Variants in PLEKHF2 observed in about 807,000 individuals in gnomAD.
PLEKHF2 encodes pleckstrin homology domain-containing family F member 2.
Under a neutral mutation model 14.7 loss-of-function variants are expected in PLEKHF2, and 4 were observed. The ratio of observed to expected loss-of-function variants is 0.27; its 90% confidence interval spans 0.13 to 0.62. The LOEUF (loss-of-function observed/expected upper bound fraction) is 0.62. PLEKHF2 is among the 20% of genes least tolerant of loss of function. The pLI is 0.85. For synonymous variants in PLEKHF2, 90 were observed against 103.5 expected, an observed-to-expected ratio of 0.87 and a Z score of 0.79; for missense variants, 201 against 307.7, an observed-to-expected ratio of 0.65 and a Z score of 2.60.
At chr8:95,140,808 G>C (rs1810431403) in intron 1 of PLEKHF2, among the ~76,000 whole-genome samples, 1 of 151,880 alleles carries the variant, frequency 6.6e-6, no homozygotes, top group South Asian at 2.1e-4. Context: ...GTTTTGTTTT[G>C]GTTTGTTTTA....
At chr8:95,143,902 A>T (rs557206750) in intron 1 of PLEKHF2, among the ~76,000 whole-genome samples, 2 of 152,314 alleles carry the variant, frequency 1.3e-5, no homozygotes, top group East Asian at 3.9e-4. Context: ...GTGTAGGATG[A>T]TTTGAATCAA....
At chr8:95,137,872 G>T (rs1418641655) in intron 1 of PLEKHF2, among the ~76,000 whole-genome samples, 1 of 152,214 alleles carries the variant, frequency 6.6e-6, no homozygotes, top group East Asian at 1.9e-4. Flanking sequence ...TGGCCAGATG[G>T]CGATGCAAGG....
In PLEKHF2 at chr8:95,154,918, C is replaced by T; in HGVS notation, c.*124C>T. ...ATGAATTTGCCTGAGAAACTTGTAA[C>T]CTATGTGCCTCAATATATTCCATAG... On this transcript the variant is annotated 3_prime_UTR_variant, in exon 2 of 2. Coordinates refer to ENST00000315367, the MANE Select transcript of PLEKHF2 (RefSeq NM_024613.4). This position sits in a 1 kb window ranked among gnomAD's most constrained non-coding sequence, Gnocchi z 5.6. 2 of 1,175,122 alleles carry T rather than the reference C, an allele frequency of 1.7e-6. No individual in the cohort carries two copies. The highest frequency in any genetic ancestry group is 2.5e-5 in the East Asian group (1 of 40,652). The allele number at this position is 1,175,122 out of a possible 1,614,324, so 72.8% of individuals were successfully genotyped here. A position where few individuals can be genotyped will look rare whatever the true frequency, so the allele number is the denominator to read the frequency against.
intron 1 of PLEKHF2, among the ~76,000 whole-genome samples, chr8:95,145,688 T>A (rs1380662484): frequency 3.3e-5 from 5 of 152,194 alleles, no homozygotes; most frequent in Admixed American, 6.5e-5. Flanking sequence ...CCTCCCAAAG[T>A]GCTGGGATTA....
intron 1 of PLEKHF2, among the ~76,000 whole-genome samples, chr8:95,148,786 A>G (rs1237781989): frequency 6.6e-6 from 1 of 152,154 alleles, no homozygotes. Flanking sequence ...TTGAAAAGCA[A>G]AAAAGTATTT....
chr8:95,144,067 A>T (rs115377425), intron 1 of PLEKHF2, among the ~76,000 whole-genome samples: 1 of 151,622 alleles, frequency 6.6e-6, no homozygotes, highest in Non-Finnish European at 1.5e-5. Flanking sequence ...CTCATTAGCT[A>T]TCATTAATGT....
chr8:95,141,296 C>T (rs2132106029), intron 1 of PLEKHF2, among the ~76,000 whole-genome samples: 1 of 152,180 alleles, frequency 6.6e-6, no homozygotes, highest in South Asian at 2.1e-4. Context: ...ATCAACTTTC[C>T]CCTCTATTTT....
At chr8:95,153,798 C>T (rs946148713) in intron 1 of PLEKHF2, among the ~76,000 whole-genome samples, 1 of 152,028 alleles carries the variant, frequency 6.6e-6, no homozygotes, top group African/African-American at 2.4e-5. Context: ...TTACAAATAC[C>T]TGCTTAACTA....
intron 1 of PLEKHF2, among the ~76,000 whole-genome samples, chr8:95,153,665 C>T (rs1331709223): frequency 6.6e-6 from 1 of 152,084 alleles, no homozygotes; most frequent in Non-Finnish European, 1.5e-5. Context: ...ATTTTGTTCC[C>T]TATTGTTCAG....
intron 1 of PLEKHF2, among the ~76,000 whole-genome samples, chr8:95,137,920 A>G (rs1810393589): frequency 1.3e-5 from 2 of 152,194 alleles, no homozygotes; most frequent in South Asian, 4.1e-4. Context: ...ATAACTGGTT[A>G]AGCAGCTTTT....
At chr8:95,148,283 C>T (rs10101612) in intron 1 of PLEKHF2, among the ~76,000 whole-genome samples, 1 of 151,770 alleles carries the variant, frequency 6.6e-6, no homozygotes, top group Non-Finnish European at 1.5e-5. Flanking sequence ...AAAGTATTTT[C>T]GACCCAGATA....
intron 1 of PLEKHF2, among the ~76,000 whole-genome samples, chr8:95,144,948 G>A (rs1810480343): frequency 6.6e-6 from 1 of 150,786 alleles, no homozygotes; most frequent in African/African-American, 2.4e-5. Flanking sequence ...TCATGACTCA[G>A]TTTTTTTGTA....
intron 1 of PLEKHF2, among the ~76,000 whole-genome samples, chr8:95,146,157 A>G (rs1810498116): frequency 6.6e-6 from 1 of 152,156 alleles, no homozygotes; most frequent in African/African-American, 2.4e-5. Context: ...ATTTACTATC[A>G]AAGACTCACT....
chr8:95,154,472 A>G lies in PLEKHF2; in HGVS notation c.428A>G (p.Asn143Ser), dbSNP rs1810593141. Residue 143 changes from asparagine (N) to serine (S), a missense_variant, in exon 2 of 2, where the codon AAT becomes AGT. Coordinates refer to ENST00000315367, the MANE Select transcript of PLEKHF2 (RefSeq NM_024613.4). This position sits in a 1 kb window ranked among gnomAD's most constrained non-coding sequence, Gnocchi z 5.6. ...LLSKSGKTPS[N>S]EHAAVWVPDS... The stretch of plus-strand genomic sequence containing the variant: ...TCCAAAAGTGGGAAGACACCCAGTA[A>G]TGAACATGCTGCTGTCTGGGTTCCT... 2 of 1,614,008 alleles carry G rather than the reference A, an allele frequency of 1.2e-6. No homozygotes were observed. Among genetic ancestry groups the G allele is most frequent in the South Asian group, 1.1e-5 (1 of 91,090 alleles).
intron 1 of PLEKHF2, among the ~76,000 whole-genome samples, chr8:95,138,844 T>G (rs1404318736): frequency 6.6e-6 from 1 of 152,236 alleles, no homozygotes; most frequent in East Asian, 1.9e-4. Context: ...GTTTCCAGCT[T>G]TTCTATATTA....
chr8:95,143,161 A>G (rs1023238533), intron 1 of PLEKHF2, among the ~76,000 whole-genome samples: 2 of 146,764 alleles, frequency 1.4e-5, no homozygotes, highest in East Asian at 2.0e-4. Context: ...GTGCAGTGGC[A>G]CTATCTCGGC....
At chr8:95,149,481 C>T (rs996477740) in intron 1 of PLEKHF2, among the ~76,000 whole-genome samples, 5 of 152,142 alleles carry the variant, frequency 3.3e-5, no homozygotes, top group African/African-American at 1.2e-4. Context: ...AATGAATAAA[C>T]ACTAAATAAA....
chr8:95,154,222 G>T lies in PLEKHF2; in HGVS notation c.178G>T (p.Asp60Tyr). The part of the protein sequence containing the change: ...PKARQFFLFN[D>Y]ILVYGNIVIQ... ...AGCAAGGCAGTTTTTCTTGTTTAAT[G>T]ATATTCTTGTATATGGCAATATTGT... Residue 60 changes from aspartate (D) to tyrosine (Y), a missense_variant, in exon 2 of 2, where the codon GAT becomes TAT. Coordinates refer to ENST00000315367, the MANE Select transcript of PLEKHF2 (RefSeq NM_024613.4). This position sits in a 1 kb window ranked among gnomAD's most constrained non-coding sequence, Gnocchi z 5.6. 1 of 1,613,782 alleles carries T rather than the reference G, an allele frequency of 6.2e-7. No homozygotes were observed. The highest frequency in any genetic ancestry group is 8.5e-7 in the Non-Finnish European group (1 of 1,179,866).
intron 1 of PLEKHF2, among the ~76,000 whole-genome samples, chr8:95,141,919 G>A (rs562821756): frequency 8.6e-5 from 13 of 151,932 alleles, no homozygotes; most frequent in African/African-American, 3.1e-4. Context: ...CTTAAATTCC[G>A]CTCATTCTTC....
Sources: allele counts gnomAD v4.1 joint callset (sites outside exome capture counted in the v4.1 genomes callset), GRCh38; gene constraint gnomAD v4.1.1; non-coding constraint Gnocchi (gnomAD v3.1); transcripts MANE v1.5; gene names NCBI Gene and HGNC (gene_info 2026-07-23, HGNC 2026-07-21).